CACNA1C: variants seen among roughly 807,000 people sequenced by gnomAD.
The protein encoded by CACNA1C is calcium voltage-gated channel subunit alpha1 C.
In CACNA1C, 30 loss-of-function variants were observed where a neutral mutation model predicts 229.0. That is an observed-to-expected ratio of 0.13 (90% CI 0.10 to 0.18). The LOEUF (loss-of-function observed/expected upper bound fraction) is 0.18. Ranked by LOEUF, CACNA1C falls within the 10% of genes least tolerant of loss-of-function variation. The pLI is 1.00. For missense variants in CACNA1C, 1,658 were observed against 2,845.0 expected (o/e 0.58, Z 9.49); for synonymous variants, 1,114 against 1,132.5 (o/e 0.98, Z 0.33).
chr12:2,266,262 C>T (rs535853430), intron 3 of CACNA1C, among the ~76,000 whole-genome samples: 12 of 152,216 alleles, frequency 7.9e-5, no homozygotes, highest in Non-Finnish European at 1.8e-4. Context: ...ATGGGCCGGG[C>T]GGGCAGTACT....
At chr12:2,456,979 C>A (rs1168801364) in intron 4 of CACNA1C, among the ~76,000 whole-genome samples, 1 of 152,232 alleles carries the variant, frequency 6.6e-6, no homozygotes, top group Non-Finnish European at 1.5e-5. Flanking sequence ...GGCTGAAAGC[C>A]CTGTGTCTCA....
At chr12:2,676,795 T>G in intron 39 of CACNA1C, 1 of 203,154 alleles carries the variant, frequency 4.9e-6, no homozygotes, top group East Asian at 1.1e-4. Flanking sequence ...AAACAGGAGA[T>G]AATATGTTTG....
At chr12:2,094,692 T>C (rs886273152) in intron 1 of CACNA1C, among the ~76,000 whole-genome samples, 1 of 152,144 alleles carries the variant, frequency 6.6e-6, no homozygotes, top group Non-Finnish European at 1.5e-5. Context: ...AAGAGACTCA[T>C]GCATTCAGCC....
chr12:2,599,616 C>T lies in CACNA1C; in HGVS notation c.2854-2238C>T, dbSNP rs565557625. The stretch of plus-strand genomic sequence containing the variant: ...CCTTCCAGGCAGAGCTAGCGAGCCA[C>T]GTCCCATTCCTTTCCTTCCTCAGGA... On this transcript the variant is annotated intron_variant, in intron 21 of 46. Coordinates refer to ENST00000399655, the MANE Select transcript of CACNA1C (RefSeq NM_000719.7). Among the ~76,000 whole-genome samples, 62 of 152,278 alleles carry T rather than the reference C, an allele frequency of 4.1e-4. 1 individual carries two copies. The highest frequency in any genetic ancestry group is 1.4e-3 in the African/African-American group (60 of 41,542).
chr12:2,591,460 A>G (rs1335044663), intron 18 of CACNA1C, among the ~76,000 whole-genome samples: 1 of 152,208 alleles, frequency 6.6e-6, no homozygotes, highest in East Asian at 1.9e-4. Flanking sequence ...TTCAGCACAT[A>G]GGGAGAAGGG....
intron 3 of CACNA1C, among the ~76,000 whole-genome samples, chr12:2,150,539 G>T (rs559138800): frequency 1.3e-5 from 2 of 152,314 alleles, no homozygotes; most frequent in African/African-American, 4.8e-5. Context: ...AGGCTACAGA[G>T]CAGCTTTGAT....
chr12:2,278,527 C>T (rs949475204), intron 3 of CACNA1C, among the ~76,000 whole-genome samples: 6 of 152,194 alleles, frequency 3.9e-5, no homozygotes, highest in Admixed American at 3.9e-4. Flanking sequence ...TGCCTTCCTT[C>T]ATTCAGCATA....
intron 3 of CACNA1C, among the ~76,000 whole-genome samples, chr12:2,424,696 C>T (rs1279562179): frequency 2.6e-5 from 4 of 152,192 alleles, no homozygotes; most frequent in African/African-American, 9.6e-5. Flanking sequence ...ACCCTTCTGC[C>T]TGCCTCCCTC....
At chr12:2,397,503 C>T (rs558655284) in intron 3 of CACNA1C, among the ~76,000 whole-genome samples, 125 of 152,362 alleles carry the variant, frequency 8.2e-4, no homozygotes, top group Middle Eastern at 6.8e-3. Flanking sequence ...GGAGGCGGCA[C>T]CTACATTCAG....
intron 3 of CACNA1C, among the ~76,000 whole-genome samples, chr12:2,290,003 A>G (rs1815791052): frequency 6.6e-6 from 1 of 152,224 alleles, no homozygotes; most frequent in African/African-American, 2.4e-5. Flanking sequence ...GCTAGTTAGT[A>G]ATAAAGCTTG....
At chr12:2,387,979 A>C (rs2098421819) in intron 3 of CACNA1C, among the ~76,000 whole-genome samples, 1 of 152,192 alleles carries the variant, frequency 6.6e-6, no homozygotes, top group Admixed American at 6.5e-5. Flanking sequence ...AGATGAAACT[A>C]GAGAGCAGGA....
rs541878264 is a variant in CACNA1C, at chr12:2,172,976, T to C, written c.477+52546T>C. On this transcript the variant is annotated intron_variant, in intron 3 of 46. Transcript: ENST00000399655. Reference sequence around the variant, plus strand: ...TCACCAGGAAGGACTGAGTTCTGAATGGCAGGGACGTTTGCAGACAGGAGA... The same window carrying C: ...TCACCAGGAAGGACTGAGTTCTGAACGGCAGGGACGTTTGCAGACAGGAGA... Among the ~76,000 whole-genome samples, 519 of 152,278 alleles carry C rather than the reference T, an allele frequency of 3.4e-3. 5 individuals are homozygous for C. Among genetic ancestry groups the C allele is most frequent in the African/African-American group, 0.012 (509 of 41,538 alleles).
intron 4 of CACNA1C, among the ~76,000 whole-genome samples, 181 bp from the exon 5 acceptor site, chr12:2,457,386 C>G (rs1159054388): frequency 6.6e-6 from 1 of 152,246 alleles, no homozygotes; most frequent in South Asian, 2.1e-4. Flanking sequence ...TGGCCACCAC[C>G]CACACTGAGG....
chr12:2,612,509 G>A (rs1374216024), intron 29 of CACNA1C: 1 of 154,300 alleles, frequency 6.5e-6, no homozygotes, highest in African/African-American at 2.4e-5. Flanking sequence ...GCTCAGGACT[G>A]AGGGCTCCAG....
chr12:2,189,598 C>CAG, intron 3 of CACNA1C, among the ~76,000 whole-genome samples: 1 of 152,264 alleles, frequency 6.6e-6, no homozygotes, highest in Admixed American at 6.5e-5. Context: ...AGCTTCCAGG[C>CAG]AGAGGGCTGC....
In CACNA1C at chr12:2,688,693, G is replaced by A. The variant is rs193922615; in HGVS notation, c.6031G>A (p.Val2011Ile). The change falls in exon 46 of 47, where the codon GTC becomes ATC. Residue 2011 changes from valine (V) to isoleucine (I), a missense_variant. Transcript: ENST00000399655. Reference protein sequence around the residue: ...GGGGSSAARRVRPVSLMVPSQ... With the variant: ...GGGGSSAARRIRPVSLMVPSQ... ...CGGGGGCAGCAGCGCCGCCCGGAGA[G>A]TCCGGCCCGTCTCCCTCATGGTGCC... is the stretch of plus-strand genomic sequence containing the variant. 2 of 1,612,134 alleles carry A rather than the reference G, an allele frequency of 1.2e-6. No individual in the cohort carries two copies. The highest frequency in any genetic ancestry group is 8.5e-7 in the Non-Finnish European group (1 of 1,179,370).
chr12:2,378,546 T>G (rs1196431149), intron 3 of CACNA1C, among the ~76,000 whole-genome samples: 5 of 152,182 alleles, frequency 3.3e-5, no homozygotes, highest in Non-Finnish European at 7.3e-5. Context: ...CCATCTACCC[T>G]GTGCGGGCAA....
At chr12:2,155,789 A>G (rs1043142162) in intron 3 of CACNA1C, among the ~76,000 whole-genome samples, 17 of 152,204 alleles carry the variant, frequency 1.1e-4, no homozygotes, top group African/African-American at 3.1e-4. Context: ...GTCCCTGGAA[A>G]GCCAGTTTAG....
intron 1 of CACNA1C, among the ~76,000 whole-genome samples, chr12:2,015,840 C>T (rs1472978938): frequency 1.3e-5 from 2 of 152,222 alleles, no homozygotes; most frequent in East Asian, 1.9e-4. Flanking sequence ...TAAACCTCAG[C>T]TTCCTTCTCA....
Sources: gnomAD v4.1 joint callset for allele counts (sites outside exome capture counted in the v4.1 genomes callset) on GRCh38, gnomAD v4.1.1 for gene constraint, MANE v1.5 for transcripts, NCBI Gene and HGNC (gene_info 2026-07-23, HGNC 2026-07-21) for gene names.